The following MAST2 variants were observed in gnomAD, a reference collection of about 807,000 sequenced individuals.
MAST2 encodes microtubule-associated serine/threonine-protein kinase 2.
In MAST2, 70 loss-of-function variants were observed where a neutral mutation model predicts 147.4. The ratio of observed to expected loss-of-function variants is 0.47; its 90% CI spans 0.39 to 0.58. The LOEUF is 0.58. MAST2 is among the 20% of genes least tolerant of loss of function. The pLI is 0.00. For missense variants in MAST2, 2,080 were observed against 2,302.3 expected, an observed-to-expected ratio of 0.90 and a Z score of 1.98; for synonymous variants, 869 against 896.8, an observed-to-expected ratio of 0.97 and a Z score of 0.55.
chr1:45,917,778 G>A (rs1286781563), intron 4 of MAST2, among the ~76,000 whole-genome samples: 1 of 152,180 alleles, frequency 6.6e-6, no homozygotes, highest in Non-Finnish European at 1.5e-5. Flanking sequence ...CCATTGGACA[G>A]CCTTGTGAAC....
chr1:45,901,260 C>A (rs1387418280), intron 4 of MAST2, among the ~76,000 whole-genome samples: 2 of 152,146 alleles, frequency 1.3e-5, no homozygotes, highest in African/African-American at 4.8e-5. Flanking sequence ...AATGGAGTGT[C>A]CTTTCCCCAT....
At chr1:45,931,228 A>G (rs530712890) in intron 4 of MAST2, among the ~76,000 whole-genome samples, 7 of 152,128 alleles carry the variant, frequency 4.6e-5, no homozygotes, top group Non-Finnish European at 1.0e-4. Flanking sequence ...TATTTCCTCA[A>G]CTTTTATAAC....
At chr1:45,960,567 C>A (rs1660278397) in intron 5 of MAST2, among the ~76,000 whole-genome samples, 1 of 152,124 alleles carries the variant, frequency 6.6e-6, no homozygotes, top group Non-Finnish European at 1.5e-5. Flanking sequence ...CATTGTCCTT[C>A]CCAGAGAGGG....
chr1:45,860,909 C>T (rs1298784085), intron 3 of MAST2, among the ~76,000 whole-genome samples: 1 of 152,102 alleles, frequency 6.6e-6, no homozygotes, highest in Non-Finnish European at 1.5e-5. Context: ...TAGATGAATC[C>T]ATCCAATAAT....
chr1:45,915,503 G>A (rs1201962832), intron 4 of MAST2, among the ~76,000 whole-genome samples: 1 of 152,184 alleles, frequency 6.6e-6, no homozygotes, highest in Non-Finnish European at 1.5e-5. Flanking sequence ...GAGGTCAGGA[G>A]ATCGAGACCA....
intron 4 of MAST2, among the ~76,000 whole-genome samples, chr1:45,900,195 A>AAAAAAAAAAAAAAAAAATT (rs1553226994): frequency 4.4e-4 from 41 of 93,150 alleles, no homozygotes; most frequent in African/African-American, 1.5e-3. Context: ...AAAAAAAAAA[A>AAAAAAAAAAAAAAAAAATT]GATTTACCCT....
At chr1:45,967,678 A>C (rs1661435661) in intron 5 of MAST2, among the ~76,000 whole-genome samples, 1 of 152,088 alleles carries the variant, frequency 6.6e-6, no homozygotes, top group Non-Finnish European at 1.5e-5. Context: ...GAGGCAGAAG[A>C]GGTGGAGGAG....
intron 4 of MAST2, among the ~76,000 whole-genome samples, chr1:45,894,890 TCA>T (rs764504076): frequency 1.3e-5 from 2 of 152,188 alleles, no homozygotes; most frequent in Non-Finnish European, 2.9e-5. Flanking sequence ...TTTTAATGTC[TCA>T]GTTTCCATTT....
intron 4 of MAST2, among the ~76,000 whole-genome samples, chr1:45,887,730 A>G (rs1331710881): frequency 6.6e-6 from 1 of 152,252 alleles, no homozygotes; most frequent in Non-Finnish European, 1.5e-5. Context: ...TTGTTGAGGT[A>G]TCAGTGGCGT....
intron 4 of MAST2, among the ~76,000 whole-genome samples, chr1:45,915,809 ATAAGACT>A (rs766667959): frequency 2.6e-5 from 4 of 152,222 alleles, no homozygotes; most frequent in Non-Finnish European, 4.4e-5. Flanking sequence ...ATTTTATGTG[ATAAGACT>A]TAAGGCTTCA....
At chr1:46,006,882 A>G (rs1645509698) in intron 8 of MAST2, among the ~76,000 whole-genome samples, 2 of 152,262 alleles carry the variant, frequency 1.3e-5, no homozygotes, top group Admixed American at 6.5e-5. Context: ...ATCTGGCTCC[A>G]GAACCCATTG....
intron 3 of MAST2, among the ~76,000 whole-genome samples, chr1:45,876,323 T>A (rs1313561784): frequency 6.6e-6 from 1 of 152,202 alleles, no homozygotes; most frequent in African/African-American, 2.4e-5. Context: ...GAAATAAAAT[T>A]GATAAGGCAG....
intron 10 of MAST2, among the ~76,000 whole-genome samples, chr1:46,018,568 T>C (rs1646053553): frequency 6.6e-6 from 1 of 152,234 alleles, no homozygotes; most frequent in African/African-American, 2.4e-5. Context: ...TCAGGAAGTC[T>C]TCATTCTTCC....
At chr1:45,818,160 G>A (rs1274610707) in intron 1 of MAST2, among the ~76,000 whole-genome samples, 2 of 152,172 alleles carry the variant, frequency 1.3e-5, no homozygotes, top group African/African-American at 2.4e-5. Flanking sequence ...GGAGAATTGG[G>A]TCCTTTTTGT....
rs1644888487 is a variant in MAST2, at chr1:45,829,489, G to A, written c.376G>A (p.Val126Met). ...SSSVHSSVGQVTWQSSGEASN... is the reference protein window; with the variant it reads ...SSSVHSSVGQMTWQSSGEASN... ...CAGTGTACATAGCAGTGTGGGACAGGTGACTTGGCAGTCGTCAGGAGAAGC... is the reference window on the plus strand; with the variant it reads ...CAGTGTACATAGCAGTGTGGGACAGATGACTTGGCAGTCGTCAGGAGAAGC... Residue 126 changes from valine (V) to methionine (M), a missense_variant, in exon 3 of 29, where the codon GTG becomes ATG. By Grantham distance (21) the Val-to-Met change is conservative. Transcript: ENST00000361297. 1 of 1,614,206 alleles carries A rather than the reference G, an allele frequency of 6.2e-7. No homozygotes were observed.
At chr1:45,849,020 A>C (rs1307953405) in intron 3 of MAST2, among the ~76,000 whole-genome samples, 1 of 152,208 alleles carries the variant, frequency 6.6e-6, no homozygotes, top group Non-Finnish European at 1.5e-5. Flanking sequence ...GAATACTGCT[A>C]ACCAGGGAGG....
intron 3 of MAST2, 142 bp downstream of exon 3, chr1:45,829,723 A>G: frequency 2.1e-6 from 2 of 943,402 alleles, no homozygotes; most frequent in African/African-American, 1.7e-5. Flanking sequence ...TGAATTTATT[A>G]TTATTTTTTT....
chr1:45,982,602 C>T (rs1644455476), intron 5 of MAST2, among the ~76,000 whole-genome samples: 1 of 152,204 alleles, frequency 6.6e-6, no homozygotes. Flanking sequence ...TACTTCCCCT[C>T]CCACACCTCA....
At position 45,959,443 on chromosome 1, in the gene MAST2, A is replaced by G. The variant is rs1557965565; in HGVS notation, c.558A>G (p.Leu186=). Residue 186 remains leucine, a synonymous_variant, in exon 5 of 29, where the codon CTA becomes CTG. Coordinates refer to ENST00000361297, the MANE Select transcript of MAST2 (RefSeq NM_015112.3). ...LIVTSSTSPT[L]PRPHSPLHGH... is the part of the protein sequence containing the mutation. ...TGACCTCTAGCACATCACCTACACT[A>G]CCACGGCCACACTCACCACTCCATG... 3 of 1,613,768 alleles carry G rather than the reference A, an allele frequency of 1.9e-6. No individual in the cohort carries two copies. Among genetic ancestry groups the G allele is most frequent in the Middle Eastern group, 1.7e-4 (1 of 6,058 alleles).
Sources: allele counts gnomAD v4.1 joint callset (sites outside exome capture counted in the v4.1 genomes callset), GRCh38; gene constraint gnomAD v4.1.1; transcripts MANE v1.5; gene names NCBI Gene and HGNC (gene_info 2026-07-23, HGNC 2026-07-21).